The following LRRC20 variants were observed in gnomAD, a reference collection of about 807,000 sequenced individuals.
The protein encoded by LRRC20 is leucine rich repeat containing 20, also known as leucine-rich repeat-containing protein 20.
Under a neutral mutation model 14.4 loss-of-function variants are expected in LRRC20, and 11 were observed. That is an observed-to-expected ratio of 0.77 (90% CI 0.48 to 1.27). LRRC20 has a LOEUF of 1.27. Ranked by LOEUF, LRRC20 falls within the 50% of genes most tolerant of loss-of-function variation. The pLI, the probability that LRRC20 is intolerant of heterozygous loss-of-function variation, is 0.00. For missense variants in LRRC20, 219 were observed against 251.2 expected (o/e 0.87, Z 0.87); for synonymous variants, 121 against 107.3 (o/e 1.13, Z -0.79).
chr10:70,331,923 A>C (rs1454859449), intron 3 of LRRC20, among the ~76,000 whole-genome samples: 1 of 152,208 alleles, frequency 6.6e-6, no homozygotes, highest in African/African-American at 2.4e-5. Flanking sequence ...GCTGACTCAG[A>C]GGCCTTAGAT....
intron 2 of LRRC20, among the ~76,000 whole-genome samples, chr10:70,357,104 A>G (rs1256414392): frequency 6.6e-6 from 1 of 152,218 alleles, no homozygotes; most frequent in African/African-American, 2.4e-5. Context: ...GCCAGTCACA[A>G]AAGGACAAAT....
chr10:70,337,875 G>C (rs1307809245), intron 3 of LRRC20, among the ~76,000 whole-genome samples: 2 of 152,154 alleles, frequency 1.3e-5, no homozygotes, highest in African/African-American at 4.8e-5. Flanking sequence ...TTCAAGGGAA[G>C]GTCTAATGAA....
At chr10:70,334,065 G>A (rs886552768) in intron 3 of LRRC20, among the ~76,000 whole-genome samples, 5 of 151,990 alleles carry the variant, frequency 3.3e-5, no homozygotes, top group East Asian at 1.9e-4. Flanking sequence ...CAGAAGAATC[G>A]CTTGAACTGG....
At chr10:70,376,626 C>G (rs1202172972) in intron 1 of LRRC20, 30 bp from the exon 2 acceptor site, 1 of 1,228,368 alleles carries the variant, frequency 8.1e-7, no homozygotes, top group Non-Finnish European at 1.2e-6. Flanking sequence ...ATGAAGTGCC[C>G]GCCTGCCAGC....
intron 4 of LRRC20, among the ~76,000 whole-genome samples, chr10:70,304,913 G>A (rs904349664): frequency 6.6e-6 from 1 of 152,106 alleles, no homozygotes; most frequent in Non-Finnish European, 1.5e-5. Context: ...TGCCAGCCAC[G>A]GTGGCTCACA....
At chr10:70,371,690 A>C (rs1327751839) in intron 2 of LRRC20, among the ~76,000 whole-genome samples, 3 of 152,136 alleles carry the variant, frequency 2.0e-5, no homozygotes, top group Non-Finnish European at 4.4e-5. Flanking sequence ...CCTAAGGGGC[A>C]GTTTGCAACT....
intron 2 of LRRC20, 39 bp from the exon 3 acceptor site, chr10:70,340,741 C>G (rs1380487232): frequency 6.2e-7 from 1 of 1,609,506 alleles, no homozygotes; most frequent in South Asian, 1.1e-5. Context: ...AGTTATCAGC[C>G]ACAGCTGCCC....
chr10:70,371,058 GAAAT>G (rs1316756015), intron 2 of LRRC20, among the ~76,000 whole-genome samples: 1 of 151,628 alleles, frequency 6.6e-6, no homozygotes, highest in African/African-American at 2.4e-5. Context: ...GCATAAGAAA[GAAAT>G]AAGATTATTC....
At chr10:70,305,803 T>C (rs915757996) in intron 4 of LRRC20, among the ~76,000 whole-genome samples, 2 of 151,146 alleles carry the variant, frequency 1.3e-5, no homozygotes, top group Admixed American at 6.6e-5. Context: ...TGCAGTGGCG[T>C]GATCTCGGCT....
chr10:70,314,531 A>C (rs1239546375), intron 4 of LRRC20, among the ~76,000 whole-genome samples: 2 of 152,190 alleles, frequency 1.3e-5, no homozygotes, highest in African/African-American at 4.8e-5. Flanking sequence ...GGCAAGAAGA[A>C]ACCATTGGGC....
intron 2 of LRRC20, among the ~76,000 whole-genome samples, chr10:70,353,774 T>C (rs549381004): frequency 6.6e-6 from 1 of 152,274 alleles, no homozygotes. Flanking sequence ...CTAACCACCA[T>C]GCTACACTGC....
At chr10:70,359,828 C>T (rs1438309647) in intron 2 of LRRC20, among the ~76,000 whole-genome samples, 1 of 152,152 alleles carries the variant, frequency 6.6e-6, no homozygotes, top group East Asian at 1.9e-4. Flanking sequence ...TTAAATGCCT[C>T]CTCTCCACTA....
At chr10:70,340,908 C>A (rs1394507279) in intron 2 of LRRC20, among the ~76,000 whole-genome samples, 1 of 152,134 alleles carries the variant, frequency 6.6e-6, no homozygotes, top group Non-Finnish European at 1.5e-5. Flanking sequence ...CCCTCCCTTG[C>A]ACCCTGAACC....
At chr10:70,304,470 T>TTATCTATATCTATATATATA (rs1293891046) in intron 4 of LRRC20, among the ~76,000 whole-genome samples, 11 of 113,822 alleles carry the variant, frequency 9.7e-5, no homozygotes, top group African/African-American at 3.0e-4. Context: ...GGCCACTTCT[T>TTATCTATATCTATATATATA]TATATATATA....
Position 70,299,703 on chromosome 10 carries a change from GC to G in LRRC20, c.*1650del. The G allele has an allele frequency of 6.5e-6, 1 of 153,120 alleles. No homozygotes were observed. The allele number at this position is 153,120 out of a possible 1,614,324, so 9.5% of individuals were successfully genotyped here. A position where few individuals can be genotyped will look rare whatever the true frequency, so the allele number is the denominator to read the frequency against. On this transcript the variant is annotated 3_prime_UTR_variant, in exon 5 of 5. Coordinates refer to ENST00000446961, the MANE Select transcript of LRRC20 (RefSeq NM_001278212.2). ...CCAGCGCAGCCTGCACAGGACTTCA[GC>G]CCCCACTTGCCCCCAACACCCACAG...
intron 2 of LRRC20, among the ~76,000 whole-genome samples, chr10:70,367,223 G>T (rs1385288739): frequency 6.6e-6 from 1 of 151,384 alleles, no homozygotes; most frequent in Non-Finnish European, 1.5e-5. Flanking sequence ...TAGTCAGGAG[G>T]CTGAGGTGGG....
At chr10:70,338,264 T>C (rs1218481987) in intron 3 of LRRC20, among the ~76,000 whole-genome samples, 1 of 152,184 alleles carries the variant, frequency 6.6e-6, no homozygotes, top group African/African-American at 2.4e-5. Flanking sequence ...CCTGAGCCAC[T>C]GTCCCTGCAC....
chr10:70,366,133 TACA>T (rs948130295), intron 2 of LRRC20, among the ~76,000 whole-genome samples: 1 of 149,522 alleles, frequency 6.7e-6, no homozygotes, highest in Non-Finnish European at 1.5e-5. Flanking sequence ...TGAAAAGTTG[TACA>T]ACGTCGGCCA....
chr10:70,341,675 C>T (rs770953757), intron 2 of LRRC20, among the ~76,000 whole-genome samples: 31 of 152,130 alleles, frequency 2.0e-4, no homozygotes, highest in African/African-American at 7.0e-4. Flanking sequence ...GGCTGAGGCA[C>T]GAGAATCACT....
Sources: gnomAD v4.1 joint callset for allele counts (sites outside exome capture counted in the v4.1 genomes callset) on GRCh38, gnomAD v4.1.1 for gene constraint, MANE v1.5 for transcripts, NCBI Gene and HGNC (gene_info 2026-07-23, HGNC 2026-07-21) for gene names.